NAALADL2: variants seen among roughly 807,000 people sequenced by gnomAD.
NAALADL2 encodes inactive N-acetylated-alpha-linked acidic dipeptidase-like protein 2.
A neutral mutation model predicts 87.2 loss-of-function variants in NAALADL2; 76 were observed. The ratio of observed to expected loss-of-function variants is 0.87; its 90% CI spans 0.72 to 1.05. The LOEUF is 1.05. NAALADL2 is among the 50% of genes least tolerant of loss of function. NAALADL2 has a pLI of 0.00. For missense variants in NAALADL2, 1,089 were observed against 945.8 expected (o/e 1.15, Z -1.99); for synonymous variants, 354 against 331.0 (o/e 1.07, Z -0.75).
At chr3:175,125,446 G>A (rs958286224) in intron 2 of NAALADL2, among the ~76,000 whole-genome samples, 12 of 152,160 alleles carry the variant, frequency 7.9e-5, no homozygotes, top group African/African-American at 2.4e-4. Flanking sequence ...CACTAATCCA[G>A]ATGGTAGATG....
chr3:175,102,102 T>G (rs1035417951), intron 2 of NAALADL2, among the ~76,000 whole-genome samples: 7 of 152,202 alleles, frequency 4.6e-5, no homozygotes, highest in Admixed American at 1.3e-4. Context: ...AAATATAGAT[T>G]TAAATCACTA....
At chr3:175,126,953 C>A (rs368865001) in intron 2 of NAALADL2, among the ~76,000 whole-genome samples, 1 of 149,894 alleles carries the variant, frequency 6.7e-6, no homozygotes, top group Non-Finnish European at 1.5e-5. Flanking sequence ...TTATGAGTAT[C>A]GACTGTAGAA....
chr3:174,552,964 C>T (rs1712329559), intron 2 of NAALADL2, among the ~76,000 whole-genome samples: 1 of 151,978 alleles, frequency 6.6e-6, no homozygotes, highest in Non-Finnish European at 1.5e-5. Context: ...ATATGTTACA[C>T]GTTATAAACT....
chr3:175,338,594 CAA>C (rs59687897), intron 5 of NAALADL2, among the ~76,000 whole-genome samples: 805 of 41,972 alleles, frequency 0.019, 9 homozygotes, highest in African/African-American at 0.061. Context: ...ATACAAAAAC[CAA>C]AAAAAAAAAA....
At chr3:174,572,358 A>G (rs1251304045) in intron 2 of NAALADL2, among the ~76,000 whole-genome samples, 6 of 152,232 alleles carry the variant, frequency 3.9e-5, no homozygotes, top group Admixed American at 3.9e-4. Context: ...ATAGTAAAAT[A>G]TCTTAGAAAG....
At chr3:174,713,332 G>C (rs1177467337) in intron 2 of NAALADL2, among the ~76,000 whole-genome samples, 3 of 152,114 alleles carry the variant, frequency 2.0e-5, no homozygotes, top group Non-Finnish European at 2.9e-5. Flanking sequence ...AATGGGATTG[G>C]TGGGTCAAAT....
At chr3:175,328,215 A>G (rs1677871410) in intron 5 of NAALADL2, among the ~76,000 whole-genome samples, 3 of 150,830 alleles carry the variant, frequency 2.0e-5, no homozygotes, top group African/African-American at 7.5e-5. Context: ...CCATCATACC[A>G]CATACACACC....
rs139298739 is a variant in NAALADL2, at chr3:175,174,843, G to GAC, written c.546-59068_546-59067dup. Among the ~76,000 whole-genome samples the GAC allele has an allele frequency of 5.5e-3, 836 of 150,658 alleles. 7 individuals are homozygous for GAC. The highest frequency in any genetic ancestry group is 0.019 in the African/African-American group (782 of 41,052). ...ATGTATACACACACACATGCACACA[G>GAC]ACACACACACACACACACACATATC... On this transcript the variant is annotated intron_variant, in intron 2 of 13. Transcript: ENST00000454872.
In NAALADL2 at chr3:175,276,736, T is replaced by C. The variant is rs78439458; in HGVS notation, c.939+20206T>C. Among the ~76,000 whole-genome samples, 1,330 of 152,338 alleles carry C rather than the reference T, an allele frequency of 8.7e-3. 25 individuals are homozygous for C. Among genetic ancestry groups the C allele is most frequent in the African/African-American group, 0.03 (1,256 of 41,574 alleles). On this transcript the variant is annotated intron_variant, in intron 4 of 13. Transcript: ENST00000454872. ...CTACTACCTTTATAATTGTAGTACA[T>C]AGAAATAGAATGGTAAATATATACA... is the stretch of plus-strand genomic sequence containing the variant.
At chr3:174,482,578 A>AT (rs1717623079) in intron 1 of NAALADL2, among the ~76,000 whole-genome samples, 1 of 152,004 alleles carries the variant, frequency 6.6e-6, no homozygotes, top group African/African-American at 2.4e-5. Flanking sequence ...TGGTTTATAG[A>AT]TTTTTGTTTC....
chr3:175,507,306 C>T (rs1438930658), intron 9 of NAALADL2, among the ~76,000 whole-genome samples: 4 of 152,118 alleles, frequency 2.6e-5, no homozygotes, highest in Non-Finnish European at 1.5e-5. Context: ...AATTTTTGCT[C>T]CTGCATTGGA....
In NAALADL2 at chr3:175,755,298, A is replaced by T. The variant is rs1205539731; in HGVS notation, c.2069A>T (p.Glu690Val). 4 of 1,613,696 alleles carry T rather than the reference A, an allele frequency of 2.5e-6. No homozygotes were observed. The highest frequency in any genetic ancestry group is 3.4e-6 in the Non-Finnish European group (4 of 1,179,772). ...RESAELFQSD[E>V]MRPANDPKER... Reference sequence around the variant, plus strand: ...AGTGCTGAACTTTTTCAGTCTGATGAGATGCGACCTGCTAATGATCCCAAG... The same window carrying T: ...AGTGCTGAACTTTTTCAGTCTGATGTGATGCGACCTGCTAATGATCCCAAG... The change falls in exon 13 of 14, where the codon GAG (glutamate) becomes GTG (valine). Residue 690 changes from glutamate to valine, a missense_variant. Physicochemically the swap from Glu to Val is moderately radical, Grantham distance 121. Coordinates refer to ENST00000454872, the MANE Select transcript of NAALADL2 (RefSeq NM_207015.3).
chr3:174,936,259 A>C (rs1737669330), intron 1 of NAALADL2, among the ~76,000 whole-genome samples: 1 of 152,082 alleles, frequency 6.6e-6, no homozygotes, highest in African/African-American at 2.4e-5. Context: ...GTTTTAAAAT[A>C]GGTGTTTTCT....
At chr3:175,552,799 G>T (rs1714637971) in intron 9 of NAALADL2, among the ~76,000 whole-genome samples, 1 of 152,026 alleles carries the variant, frequency 6.6e-6, no homozygotes, top group Non-Finnish European at 1.5e-5. Context: ...GGAGATTCAA[G>T]TATATACCTA....
chr3:175,712,778 T>C (rs1740705630), intron 11 of NAALADL2, among the ~76,000 whole-genome samples: 1 of 152,070 alleles, frequency 6.6e-6, no homozygotes, highest in South Asian at 2.1e-4. Flanking sequence ...GTGTTTGTTG[T>C]TCATAAGCCA....
Position 174,997,886 on chromosome 3 carries a change from T to C in NAALADL2, c.44-98904T>C, listed in dbSNP as rs1252609831. On this transcript the variant is annotated intron_variant, in intron 1 of 13. Coordinates refer to ENST00000454872, the MANE Select transcript of NAALADL2 (RefSeq NM_207015.3). The stretch of plus-strand genomic sequence containing the variant: ...AACAACAGAAAGAGGGTGATATAAA[T>C]AGAAACCAAAGAAGAAATAAAAGAG... 4.0e-5 allele frequency among the ~76,000 whole-genome samples: 6 copies of C among 151,790 alleles called. No homozygotes were observed. The South Asian group carries it at 8.3e-4, about 21-fold the overall frequency.
intron 8 of NAALADL2, among the ~76,000 whole-genome samples, chr3:175,467,872 A>T (rs1426722325): frequency 6.6e-6 from 1 of 152,142 alleles, no homozygotes; most frequent in Non-Finnish European, 1.5e-5. Flanking sequence ...AATGCACTGT[A>T]TTTTTAATGG....
Position 175,399,302 on chromosome 3 carries a change from A to T in NAALADL2, c.1091-47927A>T, listed in dbSNP as rs141786910. Among the ~76,000 whole-genome samples the T allele has an allele frequency of 2.2e-4, 34 of 152,260 alleles. No homozygotes were observed. The East Asian group carries it at 6.4e-3, about 29-fold the overall frequency. On this transcript the variant is annotated intron_variant, in intron 5 of 13. Transcript: ENST00000454872. ...TGGGTCTGTTTAGTAAACATCATCCATCTGTTCCCTTAACCTGAAGCATGT... is the reference window on the plus strand; with the variant it reads ...TGGGTCTGTTTAGTAAACATCATCCTTCTGTTCCCTTAACCTGAAGCATGT...
chr3:174,850,850 C>T (rs1023874504), intron 3 of NAALADL2, among the ~76,000 whole-genome samples: 2 of 151,926 alleles, frequency 1.3e-5, no homozygotes, highest in South Asian at 4.1e-4. Context: ...AATGATAGAC[C>T]ATATATAAGT....
Sources: gnomAD v4.1 joint callset for allele counts (sites outside exome capture counted in the v4.1 genomes callset) on GRCh38, gnomAD v4.1.1 for gene constraint, MANE v1.5 for transcripts, NCBI Gene and HGNC (gene_info 2026-07-23, HGNC 2026-07-21) for gene names.